Variants in DNAJC6 observed in about 807,000 individuals in gnomAD.
DNAJC6 encodes auxilin.
In DNAJC6, 34 loss-of-function variants were observed where a neutral mutation model predicts 110.0. That is an observed-to-expected ratio of 0.31 (90% CI 0.24 to 0.41). DNAJC6 has a LOEUF of 0.41. Ranked by LOEUF, DNAJC6 falls within the 10% of genes least tolerant of loss-of-function variation. DNAJC6 has a pLI of 1.00. For synonymous variants in DNAJC6, 406 were observed against 437.2 expected, an observed-to-expected ratio of 0.93 and a Z score of 0.89; for missense variants, 1,031 against 1,207.8, an observed-to-expected ratio of 0.85 and a Z score of 2.17.
At chr1:65,290,605 G>C (rs1002893678) in intron 1 of DNAJC6, among the ~76,000 whole-genome samples, 1 of 152,092 alleles carries the variant, frequency 6.6e-6, no homozygotes, top group East Asian at 1.9e-4. Context: ...TGTGATCTTC[G>C]GCAAGGCAGT....
intron 1 of DNAJC6, among the ~76,000 whole-genome samples, chr1:65,288,173 T>G: frequency 6.6e-6 from 1 of 152,170 alleles, no homozygotes; most frequent in East Asian, 1.9e-4. Flanking sequence ...TAGTATTGCC[T>G]TCACCTGTCT....
intron 17 of DNAJC6, 109 bp from the exon 18 acceptor site, chr1:65,411,141 C>A: frequency 8.9e-7 from 1 of 1,125,394 alleles, no homozygotes. Context: ...ACAGGTTGCC[C>A]TAAGTGTTTT....
intron 1 of DNAJC6, among the ~76,000 whole-genome samples, chr1:65,336,475 C>G (rs1052965798): frequency 1.3e-5 from 2 of 152,052 alleles, no homozygotes; most frequent in Non-Finnish European, 2.9e-5. Context: ...TTTCTAAATT[C>G]AAATATACAA....
intron 1 of DNAJC6, among the ~76,000 whole-genome samples, chr1:65,318,177 CTAGAAACCA>C (rs1274761218): frequency 2.0e-5 from 3 of 151,912 alleles, no homozygotes; most frequent in African/African-American, 7.3e-5. Flanking sequence ...GGCACAGTGT[CTAGAAACCA>C]CAATAATTTT....
At chr1:65,269,117 C>T (rs1049160647) in intron 1 of DNAJC6, among the ~76,000 whole-genome samples, 1 of 151,992 alleles carries the variant, frequency 6.6e-6, no homozygotes, top group Non-Finnish European at 1.5e-5. Flanking sequence ...ACCTGTGATC[C>T]CAACACTTTG....
chr1:65,341,997 A>G (rs935099160), intron 1 of DNAJC6, among the ~76,000 whole-genome samples: 1 of 151,732 alleles, frequency 6.6e-6, no homozygotes, highest in African/African-American at 2.4e-5. Flanking sequence ...GCAGTTTTCC[A>G]CTCCTGGGTA....
chr1:65,399,650 C>A (rs1054244295), intron 14 of DNAJC6, among the ~76,000 whole-genome samples: 1 of 152,160 alleles, frequency 6.6e-6, no homozygotes, highest in Non-Finnish European at 1.5e-5. Context: ...AACCCACCTC[C>A]CCACTGACCT....
chr1:65,379,681 G>T (rs1464652475), intron 5 of DNAJC6, 157 bp downstream of exon 5: 2 of 1,111,764 alleles, frequency 1.8e-6, no homozygotes, highest in Non-Finnish European at 2.5e-6. Context: ...ATAAGAAAGG[G>T]ATTTATTATT....
chr1:65,372,146 GGT>G (rs59816601), intron 4 of DNAJC6, among the ~76,000 whole-genome samples: 37,080 of 140,680 alleles, frequency 0.26, 4,486 homozygotes, highest in Middle Eastern at 0.33. Context: ...TGACATTTGG[GGT>G]GTGTGTGTGT....
chr1:65,341,102 G>A (rs970993183), intron 1 of DNAJC6, among the ~76,000 whole-genome samples: 1 of 152,104 alleles, frequency 6.6e-6, no homozygotes, highest in South Asian at 2.1e-4. Context: ...TGTTTAGCAA[G>A]GTCCTTTTCA....
At position 65,317,685 on chromosome 1, in the gene DNAJC6, G is replaced by A. The variant is rs182700829; in HGVS notation, c.193+7747G>A. ...TAGTACTCTACCTGGTAGCTGGCAA[G>A]TGTGTTTGGCATACATTGTAAGCCA... On this transcript the variant is annotated intron_variant, in intron 1 of 18. Coordinates refer to ENST00000371069, the MANE Select transcript of DNAJC6 (RefSeq NM_001256864.2). 2.0e-5 allele frequency among the ~76,000 whole-genome samples: 3 copies of A among 152,334 alleles called. No individual in the cohort carries two copies. The East Asian group carries it at 5.8e-4, about 29-fold the overall frequency.
intron 1 of DNAJC6, among the ~76,000 whole-genome samples, chr1:65,341,597 G>A (rs1435945165): frequency 1.3e-5 from 2 of 152,168 alleles, no homozygotes; most frequent in African/African-American, 4.8e-5. Flanking sequence ...CTTGACAATG[G>A]GCAGGTTTCC....
chr1:65,395,062 G>GTTT, intron 13 of DNAJC6, 30 bp downstream of exon 13: 1 of 1,558,750 alleles, frequency 6.4e-7, no homozygotes, highest in East Asian at 2.4e-5. Flanking sequence ...TGTGTTCAGT[G>GTTT]GAACATAGTT....
In DNAJC6 at chr1:65,392,624, G is replaced by A. The variant is rs754652071; in HGVS notation, c.1662G>A (p.Val554=). The A allele has an allele frequency of 1.9e-6, 3 of 1,613,642 alleles. No individual in the cohort carries two copies. The highest frequency in any genetic ancestry group is 2.5e-6 in the Non-Finnish European group (3 of 1,179,908). The part of the protein sequence containing the change: ...EPAAPPPPED[V]DLLGLEGSAM... ...CAGCCCCTCCACCCCCTGAGGATGT[G>A]GACCTTTTGGGCCTGGAAGGGTCTG... Residue 554 remains valine, a synonymous_variant, in exon 12 of 19, where the codon GTG becomes GTA. Coordinates refer to ENST00000371069, the MANE Select transcript of DNAJC6 (RefSeq NM_001256864.2).
intron 1 of DNAJC6, among the ~76,000 whole-genome samples, chr1:65,358,561 A>G (rs1156742519): frequency 3.3e-5 from 5 of 152,186 alleles, no homozygotes; most frequent in African/African-American, 1.2e-4. Flanking sequence ...TTCAGTTGTT[A>G]TTATTTTATG....
chr1:65,269,442 A>G (rs1653435695), intron 1 of DNAJC6, among the ~76,000 whole-genome samples: 1 of 152,136 alleles, frequency 6.6e-6, no homozygotes, highest in Non-Finnish European at 1.5e-5. Context: ...ACAAAATCTA[A>G]TTGGGTTTGA....
chr1:65,366,693 T>A (rs2101560501), intron 4 of DNAJC6, among the ~76,000 whole-genome samples: 1 of 152,308 alleles, frequency 6.6e-6, no homozygotes, highest in South Asian at 2.1e-4. Context: ...AGTTTCACCT[T>A]GGCTTAGGTT....
intron 1 of DNAJC6, among the ~76,000 whole-genome samples, chr1:65,314,560 G>C (rs532393238): frequency 6.6e-6 from 1 of 152,208 alleles, no homozygotes; most frequent in Non-Finnish European, 1.5e-5. Flanking sequence ...TGTGATCCCG[G>C]CTCACTGCAA....
intron 1 of DNAJC6, among the ~76,000 whole-genome samples, chr1:65,362,482 A>C (rs1174048421): frequency 6.6e-6 from 1 of 152,216 alleles, no homozygotes; most frequent in Non-Finnish European, 1.5e-5. Flanking sequence ...AAAGATTAAA[A>C]ATACCATCAA....
Sources: gnomAD v4.1 joint callset for allele counts (sites outside exome capture counted in the v4.1 genomes callset) on GRCh38, gnomAD v4.1.1 for gene constraint, MANE v1.5 for transcripts, NCBI Gene and HGNC (gene_info 2026-07-23, HGNC 2026-07-21) for gene names.